Variants in KIF2C observed in about 807,000 individuals in gnomAD.
The protein encoded by KIF2C is kinesin-like protein KIF2C.
KIF2C carries 34 observed loss-of-function variants against 97.4 expected under a neutral mutation model. The ratio of observed to expected loss-of-function variants is 0.35; its 90% confidence interval spans 0.27 to 0.46. The LOEUF (loss-of-function observed/expected upper bound fraction) is 0.46. Among genes scored for constraint, KIF2C ranks in the 20% least tolerant of loss-of-function variants. The pLI is 1.00. For missense variants in KIF2C, 750 were observed against 907.6 expected, an observed-to-expected ratio of 0.83 and a Z score of 2.23; for synonymous variants, 313 against 318.2, an observed-to-expected ratio of 0.98 and a Z score of 0.17.
chr1:44,760,137 G>C lies in KIF2C; in HGVS notation c.1368-143G>C, dbSNP rs943955967. 2.4e-5 allele frequency: 16 copies of C among 679,754 alleles called. No individual in the cohort carries two copies. 42.1% of individuals were successfully genotyped at this position (679,754 alleles called of 1,614,324 possible). On this transcript the variant is annotated intron_variant, in intron 14 of 20. Coordinates refer to ENST00000372224, the MANE Select transcript of KIF2C (RefSeq NM_006845.4). This position sits in a 1 kb window ranked among gnomAD's most constrained non-coding sequence, Gnocchi z 4.2. ...GCTGGAGGGAGAATTGCTACCCAGGGAGGGCAAGATGGAAGCCTGGGACAG... is the reference window on the plus strand; with the variant it reads ...GCTGGAGGGAGAATTGCTACCCAGGCAGGGCAAGATGGAAGCCTGGGACAG...
At chr1:44,758,584 G>A (rs542500373) in intron 13 of KIF2C, among the ~76,000 whole-genome samples, 1 of 152,222 alleles carries the variant, frequency 6.6e-6, no homozygotes, top group South Asian at 2.1e-4. Context: ...TCATTAATAA[G>A]ATATTAGGGG....
At chr1:44,748,146 C>T (rs1200465857) in intron 4 of KIF2C, among the ~76,000 whole-genome samples, 4 of 152,128 alleles carry the variant, frequency 2.6e-5, no homozygotes, top group Non-Finnish European at 4.4e-5. Context: ...AGCATTGCCT[C>T]GTGGTCTAGG....
At chr1:44,741,154 G>A (rs765318647) in intron 2 of KIF2C, 147 bp downstream of exon 2, 9 of 589,930 alleles carry the variant, frequency 1.5e-5, no homozygotes, top group Non-Finnish European at 2.1e-5. Context: ...AGGCTGAGAC[G>A]GGCAGATCAC....
chr1:44,745,007 T>C (rs1649112774), intron 2 of KIF2C, among the ~76,000 whole-genome samples: 1 of 151,894 alleles, frequency 6.6e-6, no homozygotes, highest in South Asian at 2.1e-4. Flanking sequence ...CTGGCCAACG[T>C]GGTAAAACCC....
chr1:44,753,601 G>GTGATT, intron 6 of KIF2C, 132 bp from the exon 7 acceptor site: 1 of 624,432 alleles, frequency 1.6e-6, no homozygotes, highest in African/African-American at 1.9e-5. Context: ...TGATTTAAGA[G>GTGATT]TAAGGATCTA....
intron 10 of KIF2C, among the ~76,000 whole-genome samples, chr1:44,756,891 T>C (rs1649871848): frequency 6.6e-6 from 1 of 151,076 alleles, no homozygotes; most frequent in East Asian, 2.0e-4. Context: ...AGTACCCTCA[T>C]AGGGATATTT....
In KIF2C at chr1:44,755,978, A is replaced by C. The variant is rs751837729; in HGVS notation, c.809A>C (p.Lys270Thr). ...TGTGTTAGGAAACGCCCACTGAATA[A>C]GCAAGGTAAGTCCTGTTCAGTCAGG... is the stretch of plus-strand genomic sequence containing the variant. ...CVCVRKRPLN[K>T]QELAKKEIDV... is the part of the protein sequence containing the mutation. The change falls in exon 9 of 21, where the codon AAG (lysine) becomes ACG (threonine). Residue 270 changes from lysine (K) to threonine (T), a missense_variant. Coordinates refer to ENST00000372224, the MANE Select transcript of KIF2C (RefSeq NM_006845.4). 1.2e-6 allele frequency: 2 copies of C among 1,614,220 alleles called. No individual in the cohort carries two copies. The highest frequency in any genetic ancestry group is 8.5e-7 in the Non-Finnish European group (1 of 1,180,030).
chr1:44,760,705 G>T lies in KIF2C; in HGVS notation c.1683+3G>T. The T allele has an allele frequency of 6.2e-7, 1 of 1,607,708 alleles. No individual in the cohort carries two copies. The highest frequency in any genetic ancestry group is 1.7e-5 in the Admixed American group (1 of 59,984). On this transcript the variant is annotated splice_donor_region_variant and intron_variant, in intron 16 of 20. Coordinates refer to ENST00000372224, the MANE Select transcript of KIF2C (RefSeq NM_006845.4). The surrounding 1 kb of genome is among the most constrained non-coding windows in gnomAD (Gnocchi z 4.2). ...GGGAGAACTCTAGGACTTGCATGGT[G>T]AGTAGGGTCACTTTGAAGGTGATGG...
chr1:44,763,907 C>T (rs1261893007), intron 19 of KIF2C, among the ~76,000 whole-genome samples: 2 of 151,998 alleles, frequency 1.3e-5, no homozygotes, highest in African/African-American at 4.8e-5. Flanking sequence ...GTGGCGGGCG[C>T]CTGTAATCTC....
Position 44,762,641 on chromosome 1 carries a change from C to T in KIF2C, c.1954C>T (p.Leu652Phe), listed in dbSNP as rs758121183. The T allele has an allele frequency of 1.2e-6, 2 of 1,613,354 alleles. No homozygotes were observed. Among genetic ancestry groups the T allele is most frequent in the Non-Finnish European group, 1.7e-6 (2 of 1,179,488 alleles). The change falls in exon 19 of 21, where the codon CTC becomes TTC. Residue 652 changes from leucine to phenylalanine, a missense_variant. By Grantham distance (22) the Leu-to-Phe change is conservative. Transcript: ENST00000372224. ...RELEEKAMEE[L>F]KEIIQQGPDW... ...GCTGGAGGAGAAGGCTATGGAAGAG[C>T]TCAAGGAGATCATACAGGTAGGCAG... is the stretch of plus-strand genomic sequence containing the variant.
In KIF2C at chr1:44,758,133, A is replaced by G. The variant is rs749355871; in HGVS notation, c.1217A>G (p.Asn406Ser). Residue 406 changes from asparagine to serine, a missense_variant, in exon 13 of 21, where the codon AAT becomes AGT. By Grantham distance (46) the Asn-to-Ser change is conservative. Coordinates refer to ENST00000372224, the MANE Select transcript of KIF2C (RefSeq NM_006845.4). ...EVYVTFFEIYNGKLFDLLNKK... is the reference protein window; with the variant it reads ...EVYVTFFEIYSGKLFDLLNKK... ...TATGTGACATTCTTCGAGATCTACAATGGGAAGGTAGCTGGCAGGAAGCCC... is the reference window on the plus strand; with the variant it reads ...TATGTGACATTCTTCGAGATCTACAGTGGGAAGGTAGCTGGCAGGAAGCCC... The G allele has an allele frequency of 4.4e-6, 7 of 1,590,058 alleles. No individual in the cohort carries two copies. The highest frequency in any genetic ancestry group is 1.1e-5 in the South Asian group (1 of 88,952).
chr1:44,766,281 A>G (rs1650459009), intron 19 of KIF2C, among the ~76,000 whole-genome samples: 1 of 152,048 alleles, frequency 6.6e-6, no homozygotes, highest in African/African-American at 2.4e-5. Flanking sequence ...ATCAGGACCA[A>G]TGATGTTATT....
Position 44,760,347 on chromosome 1 carries a change from C to T in KIF2C, c.1435C>T (p.Arg479Ter), listed in dbSNP as rs563045658. 4 of 1,614,208 alleles carry T rather than the reference C, an allele frequency of 2.5e-6. No individual in the cohort carries two copies. Among genetic ancestry groups the T allele is most frequent in the South Asian group, 1.1e-5 (1 of 91,080 alleles). The change falls in exon 15 of 21, where the codon CGA becomes TGA. Residue 479 changes from arginine (R) to a stop codon, truncating the protein, a stop_gained. Coordinates refer to ENST00000372224, the MANE Select transcript of KIF2C (RefSeq NM_006845.4). LOFTEE classifies it high-confidence loss of function. This position sits in a 1 kb window ranked among gnomAD's most constrained non-coding sequence, Gnocchi z 4.2. ...CCACGCGTGCTTCCAAATTATTCTT[C>T]GAGCTAAAGGGAGAATGCATGGCAA... ...RSHACFQIIL[R>*]AKGRMHGKFS...
chr1:44,742,351 C>G (rs1326879848), intron 2 of KIF2C, among the ~76,000 whole-genome samples: 1 of 151,856 alleles, frequency 6.6e-6, no homozygotes, highest in African/African-American at 2.4e-5. Flanking sequence ...CCTCGTGATC[C>G]GCCTGCCTCT....
Position 44,740,506 on chromosome 1 carries a change from A to G in KIF2C, c.71-407A>G, listed in dbSNP as rs1200896337. Among the ~76,000 whole-genome samples the G allele has an allele frequency of 2.6e-5, 4 of 152,122 alleles. No homozygotes were observed. In the East Asian group the frequency reaches 5.8e-4, roughly 22 times the overall value. On this transcript the variant is annotated intron_variant, in intron 1 of 20. Transcript: ENST00000372224. ...CGTGTCATTAGGGAAATGGACAGAT[A>G]TGACCGCCAGAAATGAGTTAGGAAA...
intron 19 of KIF2C, among the ~76,000 whole-genome samples, chr1:44,765,800 C>T (rs930652171): frequency 6.6e-6 from 1 of 152,078 alleles, no homozygotes; most frequent in African/African-American, 2.4e-5. Flanking sequence ...GCCTGTAATC[C>T]TAGCACTTTA....
In KIF2C at chr1:44,753,785, A is replaced by G. The variant is rs957904652; in HGVS notation, c.615A>G (p.Arg205=). Reference sequence around the variant, plus strand: ...AAGTGGAAAAAATGAAGAACAAGCGAGAAGAGAAGAAGGCCCAGAACTCTG... The same window carrying G: ...AAGTGGAAAAAATGAAGAACAAGCGGGAAGAGAAGAAGGCCCAGAACTCTG... ...VKEVEKMKNK[R]EEKKAQNSEM... The change falls in exon 7 of 21, where the codon CGA becomes CGG. Residue 205 remains arginine, a synonymous_variant. Transcript: ENST00000372224. The G allele has an allele frequency of 6.2e-7, 1 of 1,612,484 alleles. No homozygotes were observed. The highest frequency in any genetic ancestry group is 8.5e-7 in the Non-Finnish European group (1 of 1,179,450).
intron 19 of KIF2C, among the ~76,000 whole-genome samples, chr1:44,764,307 C>A (rs1650331287): frequency 6.9e-6 from 1 of 144,602 alleles, no homozygotes. Context: ...TCCTGCGTAC[C>A]TGGGATTACA....
intron 7 of KIF2C, 43 bp downstream of exon 7, chr1:44,753,876 G>A (rs1411030461): frequency 8.3e-7 from 1 of 1,208,600 alleles, no homozygotes; most frequent in African/African-American, 1.6e-5. Flanking sequence ...TTGGACAGGT[G>A]TCCTTAACCG....
Sources: gnomAD v4.1 joint callset for allele counts (sites outside exome capture counted in the v4.1 genomes callset) on GRCh38, gnomAD v4.1.1 for gene constraint, Gnocchi (gnomAD v3.1) non-coding constraint, MANE v1.5 for transcripts, NCBI Gene and HGNC (gene_info 2026-07-23, HGNC 2026-07-21) for gene names.